The following LHFPL3 variants were observed in gnomAD, a reference collection of about 807,000 sequenced individuals.
LHFPL3 encodes the protein LHFPL tetraspan subfamily member 3 protein.
Under a neutral mutation model 19.3 loss-of-function variants are expected in LHFPL3, and 5 were observed. That is an observed-to-expected ratio of 0.26 (90% CI 0.14 to 0.54). The LOEUF (loss-of-function observed/expected upper bound fraction) is 0.54, where lower values mean the gene tolerates loss of function less well. LHFPL3 is among the 20% of genes least tolerant of loss of function. The probability of loss-of-function intolerance (pLI) is 0.94; values close to 1 mark genes in which losing one functional copy is unlikely to be tolerated. For missense variants in LHFPL3, 249 were observed against 307.4 expected (o/e 0.81, Z 1.42); for synonymous variants, 133 against 126.2 (o/e 1.05, Z -0.36).
intron 1 of LHFPL3, among the ~76,000 whole-genome samples, chr7:104,443,366 T>C (rs1403391254): frequency 6.6e-6 from 1 of 152,218 alleles, no homozygotes; most frequent in Non-Finnish European, 1.5e-5. Flanking sequence ...TTATCTCCAG[T>C]GCATGGATGT....
At chr7:104,882,334 AC>A (rs1445830789) in intron 2 of LHFPL3, among the ~76,000 whole-genome samples, 1 of 151,918 alleles carries the variant, frequency 6.6e-6, no homozygotes, top group East Asian at 1.9e-4. Context: ...TGCAGCCTTC[AC>A]CTCCCAGGTT....
rs1268144028 is a variant in LHFPL3, at chr7:104,559,557, T to A, written c.446-177118T>A. Among the ~76,000 whole-genome samples, 33 of 152,038 alleles carry A rather than the reference T, an allele frequency of 2.2e-4. No individual in the cohort carries two copies. In the South Asian group the frequency reaches 6.7e-3, roughly 31 times the overall value. ...TATCCTGAGACTTTGCTGAAGTTGC[T>A]TATCAGCTTAAGGAGATTTTGGGCT... On this transcript the variant is annotated intron_variant, in intron 1 of 2. Coordinates refer to ENST00000424859, the MANE Select transcript of LHFPL3 (RefSeq NM_199000.3).
chr7:104,862,978 T>C (rs1791645812), intron 2 of LHFPL3, among the ~76,000 whole-genome samples: 2 of 152,328 alleles, frequency 1.3e-5, no homozygotes, highest in East Asian at 1.9e-4. Flanking sequence ...ACCGAGTGTC[T>C]GTACACCACC....
intron 1 of LHFPL3, 91 bp from the exon 2 acceptor site, chr7:104,736,584 A>G (rs958035230): frequency 7.6e-6 from 6 of 792,598 alleles, no homozygotes; most frequent in Admixed American, 2.4e-5. Flanking sequence ...ATTTGAAACA[A>G]TGATTCGACA....
intron 1 of LHFPL3, among the ~76,000 whole-genome samples, chr7:104,557,283 A>G (rs1350308555): frequency 6.6e-6 from 1 of 152,212 alleles, no homozygotes; most frequent in Non-Finnish European, 1.5e-5. Context: ...ACTGAGAAGA[A>G]AAAGAGGTTT....
At chr7:104,551,212 C>T (rs1457927398) in intron 1 of LHFPL3, among the ~76,000 whole-genome samples, 1 of 152,090 alleles carries the variant, frequency 6.6e-6, no homozygotes, top group African/African-American at 2.4e-5. Context: ...TATCATTCTG[C>T]TAACAAAATG....
At chr7:104,519,840 T>C (rs1252165969) in intron 1 of LHFPL3, among the ~76,000 whole-genome samples, 2 of 152,058 alleles carry the variant, frequency 1.3e-5, no homozygotes, top group African/African-American at 4.8e-5. Context: ...TGGGGGTTGG[T>C]CAGGAATACC....
At chr7:104,833,067 T>G (rs6954073) in intron 2 of LHFPL3, among the ~76,000 whole-genome samples, 1,983 of 8,214 alleles carry the variant, frequency 0.24, 108 homozygotes, top group East Asian at 0.31. Flanking sequence ...ATATATAATA[T>G]ATATATTATA....
At chr7:104,651,491 A>C (rs1438438668) in intron 1 of LHFPL3, among the ~76,000 whole-genome samples, 1 of 152,202 alleles carries the variant, frequency 6.6e-6, no homozygotes, top group Non-Finnish European at 1.5e-5. Flanking sequence ...CAGTGGATCA[A>C]ATGCTTGCCC....
chr7:104,608,762 A>G (rs139445693), intron 1 of LHFPL3, among the ~76,000 whole-genome samples: 534 of 152,236 alleles, frequency 3.5e-3, no homozygotes, highest in Non-Finnish European at 5.2e-3. Flanking sequence ...AGTGAATGGT[A>G]TTGGTGCATC....
intron 1 of LHFPL3, among the ~76,000 whole-genome samples, chr7:104,432,166 C>T (rs961527742): frequency 2.8e-4 from 43 of 152,308 alleles, no homozygotes; most frequent in African/African-American, 8.9e-4. Flanking sequence ...CTCCACTTGG[C>T]CCTTCCAACT....
chr7:104,440,165 C>T (rs10271402), intron 1 of LHFPL3, among the ~76,000 whole-genome samples: 30,581 of 150,970 alleles, frequency 0.2, 3,523 homozygotes, highest in Admixed American at 0.33. Context: ...TACCCTAAAA[C>T]TTAAAGTATA....
At chr7:104,593,368 C>G (rs1040936048) in intron 1 of LHFPL3, among the ~76,000 whole-genome samples, 4 of 152,150 alleles carry the variant, frequency 2.6e-5, no homozygotes, top group Non-Finnish European at 1.5e-5. Flanking sequence ...TTTCTTAATC[C>G]TGAGTTCTAG....
At chr7:104,493,069 T>C (rs1793388996) in intron 1 of LHFPL3, among the ~76,000 whole-genome samples, 1 of 152,256 alleles carries the variant, frequency 6.6e-6, no homozygotes, top group African/African-American at 2.4e-5. Flanking sequence ...TGTTTAACTT[T>C]ATTTTCCACA....
At chr7:104,863,158 C>T (rs919503368) in intron 2 of LHFPL3, among the ~76,000 whole-genome samples, 5 of 152,116 alleles carry the variant, frequency 3.3e-5, no homozygotes, top group Non-Finnish European at 7.4e-5. Flanking sequence ...GGTATTGATT[C>T]CAGATCTTAT....
At chr7:104,671,721 T>A (rs1295508317) in intron 1 of LHFPL3, among the ~76,000 whole-genome samples, 1 of 152,200 alleles carries the variant, frequency 6.6e-6, no homozygotes, top group Non-Finnish European at 1.5e-5. Context: ...AATTTTCTCA[T>A]CTGTAAAAAA....
chr7:104,734,081 T>C (rs1408927031), intron 1 of LHFPL3, among the ~76,000 whole-genome samples: 4 of 152,242 alleles, frequency 2.6e-5, no homozygotes, highest in South Asian at 2.1e-4. Flanking sequence ...GAGTTTCTGC[T>C]GAGAGATCAG....
intron 1 of LHFPL3, among the ~76,000 whole-genome samples, chr7:104,665,234 GA>G (rs141172804): frequency 0.043 from 6,569 of 152,240 alleles, 479 homozygotes; most frequent in African/African-American, 0.15. Flanking sequence ...GCATCTACTA[GA>G]AAGTGGTAGT....
At chr7:104,435,677 C>T (rs1403570503) in intron 1 of LHFPL3, among the ~76,000 whole-genome samples, 1 of 151,762 alleles carries the variant, frequency 6.6e-6, no homozygotes, top group Non-Finnish European at 1.5e-5. Context: ...TTGATGGCCC[C>T]TTGCTTGGGT....
Sources: gnomAD v4.1 joint callset for allele counts (sites outside exome capture counted in the v4.1 genomes callset) on GRCh38, gnomAD v4.1.1 for gene constraint, MANE v1.5 for transcripts, NCBI Gene and HGNC (gene_info 2026-07-23, HGNC 2026-07-21) for gene names.